The following DET1 variants were observed in gnomAD, a reference collection of about 807,000 sequenced individuals.
DET1 encodes the protein DET1 partner of COP1 E3 ubiquitin ligase.
A neutral mutation model predicts 43.7 loss-of-function variants in DET1; 22 were observed. That is an observed-to-expected ratio of 0.50 (90% CI 0.36 to 0.72). DET1 has a LOEUF of 0.72. DET1 is among the 30% of genes least tolerant of loss of function. The pLI, the probability that DET1 is intolerant of heterozygous loss-of-function variation, is 0.00. For synonymous variants in DET1, 315 were observed against 266.2 expected (o/e 1.18, Z -1.79); for missense variants, 713 against 713.3 (o/e 1.00, Z 0.00).
rs544957464 is a variant in DET1, at chr15:88,537,847, A to C, written c.-10-6132T>G. Among the ~76,000 whole-genome samples, 3 of 152,338 alleles carry C rather than the reference A, an allele frequency of 2.0e-5. No homozygotes were observed. In the South Asian group the frequency reaches 6.2e-4, roughly 32 times the overall value. On this transcript the variant is annotated intron_variant, in intron 1 of 4. Coordinates refer to ENST00000268148, the MANE Select transcript of DET1 (RefSeq NM_001144074.3). The stretch of plus-strand genomic sequence containing the variant: ...ACTTCTCAAGTTGCAGCTTAAGTGC[A>C]GTCTCCTTTAGGAAGTGTTCCCTGA...
At chr15:88,513,820 G>A (rs868324046) in intron 4 of DET1, among the ~76,000 whole-genome samples, 1 of 95,826 alleles carries the variant, frequency 1.0e-5, no homozygotes, top group Non-Finnish European at 1.8e-5. Flanking sequence ...TTTTTTTTGA[G>A]ACGGAGTCTC....
chr15:88,509,221 G>A (rs74477240), downstream of DET1, among the ~76,000 whole-genome samples: 2,185 of 152,256 alleles, frequency 0.014, 38 homozygotes, highest in African/African-American at 0.05. Flanking sequence ...GAGTAGTGAG[G>A]CTCACTGGAA....
At chr15:88,525,458 AT>A (rs1400730053) in intron 3 of DET1, among the ~76,000 whole-genome samples, 1 of 152,130 alleles carries the variant, frequency 6.6e-6, no homozygotes, top group Non-Finnish European at 1.5e-5. Flanking sequence ...TTCTGAAATA[AT>A]TTTTGGAAAA....
At chr15:88,525,070 T>C (rs1437759804) in intron 3 of DET1, among the ~76,000 whole-genome samples, 3 of 152,216 alleles carry the variant, frequency 2.0e-5, no homozygotes, top group African/African-American at 4.8e-5. Flanking sequence ...AAGAGACATA[T>C]AAATTTGAGA....
rs116666361 is a variant in DET1 at position 88,516,027 on chromosome 15, A to T, written c.1463+755T>A. Among the ~76,000 whole-genome samples, 1,078 of 152,378 alleles carry T rather than the reference A, an allele frequency of 7.1e-3. 14 individuals carry two copies. The highest frequency in any genetic ancestry group is 0.022 in the African/African-American group (928 of 41,594). The stretch of plus-strand genomic sequence containing the variant: ...ATTATACAGACTATGTCACACAGGC[A>T]CATTTAATACACAATGAGACTGGAT... On this transcript the variant is annotated intron_variant, in intron 4 of 4. Coordinates refer to ENST00000268148, the MANE Select transcript of DET1 (RefSeq NM_001144074.3). The surrounding 1 kb of genome is among the most constrained non-coding windows in gnomAD (Gnocchi z 4.4).
At chr15:88,525,822 C>T (rs984283352) in intron 3 of DET1, among the ~76,000 whole-genome samples, 9 of 136,486 alleles carry the variant, frequency 6.6e-5, no homozygotes, top group Admixed American at 7.4e-5. Context: ...CCACCACACT[C>T]GGCTATTTTT....
At chr15:88,537,318 T>C (rs2056978693) in intron 1 of DET1, among the ~76,000 whole-genome samples, 1 of 152,192 alleles carries the variant, frequency 6.6e-6, no homozygotes, top group Admixed American at 6.5e-5. Context: ...AGCAAGAGTC[T>C]GCAAACTACC....
chr15:88,506,604 C>T (rs1300183013), intron 7 of DET1, among the ~76,000 whole-genome samples: 2 of 152,100 alleles, frequency 1.3e-5, no homozygotes, highest in South Asian at 2.1e-4. Flanking sequence ...ATAATCTACT[C>T]ATTAAGGAAA....
At chr15:88,529,615 T>G (rs1314364857) in intron 2 of DET1, among the ~76,000 whole-genome samples, 1 of 152,278 alleles carries the variant, frequency 6.6e-6, no homozygotes. Context: ...CACGATACCC[T>G]GTACAGAATC....
chr15:88,521,509 G>T (rs192337723), intron 3 of DET1, among the ~76,000 whole-genome samples: 148 of 152,208 alleles, frequency 9.7e-4, no homozygotes, highest in African/African-American at 3.3e-3. Context: ...GACTCTCTTT[G>T]CCTCTCTCCA....
At chr15:88,541,003 G>T (rs12912218) in intron 1 of DET1, among the ~76,000 whole-genome samples, 43 of 47,266 alleles carry the variant, frequency 9.1e-4, no homozygotes, top group South Asian at 1.3e-3. Context: ...TTAGTAAAAG[G>T]GGAAGGAATG....
At chr15:88,502,817 A>G (rs2056101924) in intron 8 of DET1, 1 of 152,250 alleles carries the variant, frequency 6.6e-6, no homozygotes, top group Non-Finnish European at 1.5e-5. Flanking sequence ...TTTCTAAGAG[A>G]GAGAGAGATC....
At chr15:88,521,765 T>A (rs1250354507) in intron 3 of DET1, among the ~76,000 whole-genome samples, 1 of 152,188 alleles carries the variant, frequency 6.6e-6, no homozygotes, top group Non-Finnish European at 1.5e-5. Flanking sequence ...GTCATTATGA[T>A]GACTTATTGT....
intron 1 of DET1, among the ~76,000 whole-genome samples, chr15:88,532,626 C>T (rs747769819): frequency 2.6e-5 from 4 of 152,160 alleles, no homozygotes; most frequent in Non-Finnish European, 5.9e-5. Context: ...AAATGGCCCA[C>T]AGATAAACTC....
Position 88,516,209 on chromosome 15 carries a change from A to G in DET1, c.1463+573T>C, listed in dbSNP as rs1054388548. On this transcript the variant is annotated intron_variant, in intron 4 of 4. Transcript: ENST00000268148. The surrounding 1 kb of genome is among the most constrained non-coding windows in gnomAD (Gnocchi z 4.4). The stretch of plus-strand genomic sequence containing the variant: ...CCTCCCCCTAATATTATTACAGCAC[A>G]CAGAACAGGCTCCATATATGTAGTG... Among the ~76,000 whole-genome samples the G allele has an allele frequency of 2.6e-5, 4 of 152,232 alleles. No individual in the cohort carries two copies. Among genetic ancestry groups the G allele is most frequent in the Non-Finnish European group, 2.9e-5 (2 of 68,034 alleles).
rs188386768 is a variant in DET1 at position 88,526,391 on chromosome 15, T to C, written c.1271+1208A>G. Among the ~76,000 whole-genome samples the C allele has an allele frequency of 3.3e-5, 5 of 152,336 alleles. No homozygotes were observed. The East Asian group carries it at 9.6e-4, about 29-fold the overall frequency. On this transcript the variant is annotated intron_variant, in intron 3 of 4. Coordinates refer to ENST00000268148, the MANE Select transcript of DET1 (RefSeq NM_001144074.3). ...GGCACTGTCTAACTAAAGTAGGATT[T>C]AATTTAGGCCCTTGGCCCAAAGGAA...
intron 3 of DET1, among the ~76,000 whole-genome samples, chr15:88,522,364 C>T (rs1421904154): frequency 6.6e-6 from 1 of 151,986 alleles, no homozygotes; most frequent in Non-Finnish European, 1.5e-5. Context: ...ATTTGGCCTC[C>T]TAGGCAGGTA....
intron 1 of DET1, among the ~76,000 whole-genome samples, chr15:88,540,330 T>C (rs2057072767): frequency 6.6e-6 from 1 of 152,096 alleles, no homozygotes; most frequent in African/African-American, 2.4e-5. Flanking sequence ...CAAGTGGTAT[T>C]AGCTGTTGTG....
intron 3 of DET1, among the ~76,000 whole-genome samples, chr15:88,524,381 T>TG (rs1393311189): frequency 4.6e-5 from 7 of 150,766 alleles, no homozygotes; most frequent in African/African-American, 7.4e-5. Flanking sequence ...GTCCGGGAGG[T>TG]GGGGGGCGCC....
Sources: gnomAD v4.1 joint callset for allele counts (sites outside exome capture counted in the v4.1 genomes callset) on GRCh38, gnomAD v4.1.1 for gene constraint, Gnocchi (gnomAD v3.1) non-coding constraint, MANE v1.5 for transcripts, NCBI Gene and HGNC (gene_info 2026-07-23, HGNC 2026-07-21) for gene names.